The following ZNF385D variants were observed in gnomAD, a reference collection of about 807,000 sequenced individuals.
ZNF385D encodes the protein zinc finger protein 385D.
ZNF385D carries 15 observed loss-of-function variants against 35.8 expected under a neutral mutation model. The ratio of observed to expected loss-of-function variants is 0.42; its 90% CI spans 0.28 to 0.64. The LOEUF (loss-of-function observed/expected upper bound fraction) is 0.64, where lower values mean the gene tolerates loss of function less well. ZNF385D is among the 30% of genes least tolerant of loss of function. ZNF385D has a pLI of 0.23. For missense variants in ZNF385D, 474 were observed against 494.6 expected, an observed-to-expected ratio of 0.96 and a Z score of 0.39; for synonymous variants, 212 against 186.8, an observed-to-expected ratio of 1.13 and a Z score of -1.10.
chr3:21,988,337 A>G (rs1254338341), intron 3 of ZNF385D, among the ~76,000 whole-genome samples: 1 of 118,006 alleles, frequency 8.5e-6, no homozygotes, highest in African/African-American at 3.0e-5. Context: ...TGATGTACAG[A>G]TGGGTTTTCG....
chr3:21,735,733 A>AT (rs1184706197), intron 1 of ZNF385D, among the ~76,000 whole-genome samples: 2 of 152,238 alleles, frequency 1.3e-5, no homozygotes, highest in Non-Finnish European at 2.9e-5. Flanking sequence ...ACTGCAAGGC[A>AT]TAGTACAAAG....
intron 3 of ZNF385D, among the ~76,000 whole-genome samples, chr3:21,823,877 G>A (rs1362978108): frequency 6.6e-6 from 1 of 152,180 alleles, no homozygotes; most frequent in Non-Finnish European, 1.5e-5. Context: ...TAGGTTTATT[G>A]AACGTCAATG....
At chr3:22,285,021 G>C (rs1701953424) in intron 2 of ZNF385D, among the ~76,000 whole-genome samples, 1 of 152,094 alleles carries the variant, frequency 6.6e-6, no homozygotes, top group African/African-American at 2.4e-5. Flanking sequence ...TTAGTTTACT[G>C]AATAATAAGC....
At chr3:21,875,974 T>G (rs569284515) in intron 3 of ZNF385D, among the ~76,000 whole-genome samples, 1 of 152,276 alleles carries the variant, frequency 6.6e-6, no homozygotes, top group South Asian at 2.1e-4. Flanking sequence ...TGTGGAGATT[T>G]AAAAACATCA....
intron 3 of ZNF385D, among the ~76,000 whole-genome samples, chr3:21,911,745 G>C (rs1168608154): frequency 6.6e-6 from 1 of 151,872 alleles, no homozygotes; most frequent in East Asian, 1.9e-4. Context: ...ATTAAAGTGA[G>C]AGAGATATTA....
At chr3:22,226,795 A>T (rs954494292) in intron 2 of ZNF385D, among the ~76,000 whole-genome samples, 1 of 152,072 alleles carries the variant, frequency 6.6e-6, no homozygotes, top group Non-Finnish European at 1.5e-5. Context: ...GTACCCCATT[A>T]TCTGTCATTT....
chr3:21,702,511 G>A (rs1164481297), intron 1 of ZNF385D, among the ~76,000 whole-genome samples: 2 of 152,226 alleles, frequency 1.3e-5, no homozygotes, highest in Non-Finnish European at 2.9e-5. Context: ...TTTTCCTCAT[G>A]ATCTTGGGGA....
chr3:21,768,665 T>C (rs186308043), intron 3 of ZNF385D, among the ~76,000 whole-genome samples: 290 of 152,112 alleles, frequency 1.9e-3, no homozygotes, highest in Non-Finnish European at 3.0e-3. Context: ...CTTCCAAATA[T>C]TGGGAATATG....
chr3:21,938,287 C>T (rs868227793), intron 3 of ZNF385D, among the ~76,000 whole-genome samples: 5 of 152,128 alleles, frequency 3.3e-5, no homozygotes, highest in Non-Finnish European at 7.4e-5. Context: ...TGACTGACAC[C>T]GGTGAGCCTG....
At chr3:21,647,124 T>A (rs1214459279) in intron 2 of ZNF385D, among the ~76,000 whole-genome samples, 1 of 152,224 alleles carries the variant, frequency 6.6e-6, no homozygotes, top group Non-Finnish European at 1.5e-5. Flanking sequence ...ATTATGCAAA[T>A]TCTGATTTGG....
intron 3 of ZNF385D, among the ~76,000 whole-genome samples, chr3:21,888,079 TC>T (rs904655307): frequency 6.6e-6 from 1 of 151,924 alleles, no homozygotes; most frequent in Non-Finnish European, 1.5e-5. Flanking sequence ...CAATAATTGC[TC>T]CCCCCCTTTT....
In ZNF385D at chr3:21,890,725, G is replaced by A. The variant is rs1698809194; in HGVS notation, c.326-225697C>T. 1.3e-5 allele frequency among the ~76,000 whole-genome samples: 2 copies of A among 152,156 alleles called. 1 individual carries two copies. Among genetic ancestry groups the A allele is most frequent in the South Asian group, 4.1e-4 (2 of 4,824 alleles). ...ATTTTCTTAAGGAAGTAGAGAAATG[G>A]CAAAATGGGCAGCTCAAGTATTCAA... On this transcript the variant is annotated intron_variant, in intron 3 of 5. Transcript: ENST00000494108.
chr3:21,499,337 A>T (rs1215270558), intron 4 of ZNF385D, among the ~76,000 whole-genome samples: 1 of 152,062 alleles, frequency 6.6e-6, no homozygotes, highest in Non-Finnish European at 1.5e-5. Context: ...AGCAATGTGG[A>T]TGGAGGCGGG....
chr3:21,788,605 G>C (rs1318339412), intron 3 of ZNF385D, among the ~76,000 whole-genome samples: 1 of 152,184 alleles, frequency 6.6e-6, no homozygotes, highest in Non-Finnish European at 1.5e-5. Context: ...TAGGCCATCA[G>C]TAAGAAAAAC....
rs138369990 is a variant in ZNF385D, at chr3:22,286,173, T to C, written c.106+86277A>G. Among the ~76,000 whole-genome samples the C allele has an allele frequency of 9.9e-5, 15 of 152,262 alleles. No homozygotes were observed. The East Asian group carries it at 2.1e-3, about 22-fold the overall frequency. ...TATTTTTTATCAATCACATATAAAA[T>C]CTGGCAAATATTTTGGGTTTAATAT... On this transcript the variant is annotated intron_variant, in intron 2 of 5. Coordinates refer to the ZNF385D transcript ENST00000494108.
chr3:21,574,757 T>C (rs1179057940), intron 2 of ZNF385D, among the ~76,000 whole-genome samples: 1 of 152,086 alleles, frequency 6.6e-6, no homozygotes, highest in Non-Finnish European at 1.5e-5. Context: ...GATTTTTAGA[T>C]TTTCATTATA....
chr3:21,730,306 T>G (rs2068936950), intron 1 of ZNF385D, among the ~76,000 whole-genome samples: 1 of 152,184 alleles, frequency 6.6e-6, no homozygotes, highest in Non-Finnish European at 1.5e-5. Flanking sequence ...TCTGAAACAG[T>G]TCCCCAAAGG....
rs192758476 is a variant in ZNF385D, at chr3:21,719,724, C to A, written c.22+31171G>T. On this transcript the variant is annotated intron_variant, in intron 1 of 7. Coordinates refer to ENST00000281523, the MANE Select transcript of ZNF385D (RefSeq NM_024697.3). ...CGCCAGTCCGATCCTTAGAAGCAGC[C>A]CGACTGGAACTCTCTCTCTCAGAGT... 9.9e-5 allele frequency among the ~76,000 whole-genome samples: 15 copies of A among 152,150 alleles called. 1 individual carries two copies. The highest frequency in any genetic ancestry group is 1.9e-4 in the Non-Finnish European group (13 of 68,030).
chr3:21,926,511 C>T (rs906953701), intron 3 of ZNF385D, among the ~76,000 whole-genome samples: 22 of 152,164 alleles, frequency 1.4e-4, no homozygotes, highest in Non-Finnish European at 2.8e-4. Context: ...ATATGTGCCA[C>T]ATTTTCTTTA....
Sources: allele counts gnomAD v4.1 joint callset (sites outside exome capture counted in the v4.1 genomes callset), GRCh38; gene constraint gnomAD v4.1.1; transcripts MANE v1.5; gene names NCBI Gene and HGNC (gene_info 2026-07-23, HGNC 2026-07-21).